Variants in LMO1 observed in about 807,000 individuals in gnomAD.
LMO1 encodes rhombotin-1.
In LMO1, 10 loss-of-function variants were observed where a neutral mutation model predicts 18.0. That is an observed-to-expected ratio of 0.55 (90% CI 0.34 to 0.94). The LOEUF (loss-of-function observed/expected upper bound fraction) is 0.94. LMO1 is among the 40% of genes least tolerant of loss of function. The pLI, the probability that LMO1 is intolerant of heterozygous loss-of-function variation, is 0.02. For synonymous variants in LMO1, 77 were observed against 77.9 expected (o/e 0.99, Z 0.06); for missense variants, 183 against 205.7 (o/e 0.89, Z 0.68).
chr11:8,232,795 A>G (rs369700571), intron 1 of LMO1, among the ~76,000 whole-genome samples: 105 of 152,252 alleles, frequency 6.9e-4, no homozygotes, highest in African/African-American at 2.5e-3. Context: ...AGCCCACTAA[A>G]TTATAGCCCA....
intron 1 of LMO1, among the ~76,000 whole-genome samples, chr11:8,237,727 T>G (rs950963780): frequency 6.6e-6 from 1 of 152,254 alleles, no homozygotes; most frequent in Non-Finnish European, 1.5e-5. Flanking sequence ...GCTCCGCCCA[T>G]GGGGTGGCAG....
chr11:8,243,913 C>T (rs1846842026), intron 1 of LMO1, among the ~76,000 whole-genome samples: 1 of 152,248 alleles, frequency 6.6e-6, no homozygotes, highest in Non-Finnish European at 1.5e-5. Context: ...CTATCATCAG[C>T]TCACAGTGCA....
At chr11:8,229,175 AC>A (rs1378194321) in intron 2 of LMO1, among the ~76,000 whole-genome samples, 4 of 152,072 alleles carry the variant, frequency 2.6e-5, no homozygotes, top group African/African-American at 4.8e-5. Context: ...GGCATAAGCC[AC>A]CGCGCCTAGC....
At chr11:8,231,987 A>G (rs1001591402) in intron 1 of LMO1, among the ~76,000 whole-genome samples, 13 of 152,140 alleles carry the variant, frequency 8.5e-5, no homozygotes, top group African/African-American at 3.1e-4. Context: ...AGATGGGGAA[A>G]TTGAGGCTCA....
chr11:8,264,643 C>CT (rs1847242945), upstream of LMO1, among the ~76,000 whole-genome samples: 1 of 151,560 alleles, frequency 6.6e-6, no homozygotes, highest in African/African-American at 2.4e-5. Context: ...TCTGTTTTTT[C>CT]TTTTTTAAGA....
In LMO1 at chr11:8,263,520, A is replaced by C; in HGVS notation, c.-158T>G. On this transcript the variant is annotated 5_prime_UTR_variant, in exon 1 of 4. It removes an upstream start codon present in the reference 5' UTR. Transcript: ENST00000335790. ...CTAGATTGCACTCAGCTAGAATTAC[A>C]TTCAGGAGTGAAGCACTTCGCAGAT... 7.1e-7 allele frequency: 1 copy of C among 1,400,548 alleles called. No homozygotes were observed. The highest frequency in any genetic ancestry group is 1.6e-5 in the South Asian group (1 of 63,290). 86.8% of individuals were successfully genotyped at this position (1,400,548 alleles called of 1,614,324 possible).
At chr11:8,251,172 G>A (rs1023916105) in intron 1 of LMO1, among the ~76,000 whole-genome samples, 1 of 152,184 alleles carries the variant, frequency 6.6e-6, no homozygotes, top group African/African-American at 2.4e-5. Flanking sequence ...GCACCACAAG[G>A]TATGAAGCCA....
At chr11:8,227,649 C>T (rs1303549102) in intron 2 of LMO1, among the ~76,000 whole-genome samples, 1 of 152,230 alleles carries the variant, frequency 6.6e-6, no homozygotes, top group Non-Finnish European at 1.5e-5. Context: ...AAGAGCTTTA[C>T]AAAGATAAAC....
chr11:8,226,716 T>A (rs928630277), intron 3 of LMO1: 1 of 511,268 alleles, frequency 2.0e-6, no homozygotes, highest in Non-Finnish European at 3.3e-6. Flanking sequence ...AGTAAACTCA[T>A]GCACGCCTTC....
chr11:8,264,526 C>T (rs1847241578), upstream of LMO1, among the ~76,000 whole-genome samples: 1 of 152,226 alleles, frequency 6.6e-6, no homozygotes, highest in South Asian at 2.1e-4. Context: ...ATCTCTTCTC[C>T]TGGACCCTGC....
At chr11:8,264,228 C>A (rs1054086665), upstream of LMO1, among the ~76,000 whole-genome samples, 1 of 3,208 alleles carries the variant, frequency 3.1e-4, no homozygotes, top group Non-Finnish European at 3.8e-3. Flanking sequence ...AGGGCACAAA[C>A]GATCCTACCG....
chr11:8,245,038 G>A (rs898198992), intron 1 of LMO1, among the ~76,000 whole-genome samples: 7 of 152,162 alleles, frequency 4.6e-5, no homozygotes, highest in African/African-American at 1.2e-4. Context: ...TATCATGCCC[G>A]GCACTTCATG....
At chr11:8,249,126 A>C (rs946230726) in intron 1 of LMO1, among the ~76,000 whole-genome samples, 3 of 152,188 alleles carry the variant, frequency 2.0e-5, no homozygotes, top group African/African-American at 4.8e-5. Flanking sequence ...GACCACCAGT[A>C]GACCTCAGAT....
chr11:8,233,100 C>T (rs1952699049), intron 1 of LMO1, among the ~76,000 whole-genome samples: 1 of 152,230 alleles, frequency 6.6e-6, no homozygotes, highest in African/African-American at 2.4e-5. Context: ...ACCTTAAGAC[C>T]TGGACACCCC....
intron 1 of LMO1, among the ~76,000 whole-genome samples, chr11:8,260,380 A>G (rs573185389): frequency 6.6e-6 from 1 of 152,322 alleles, no homozygotes; most frequent in South Asian, 2.1e-4. Flanking sequence ...CAGACCCAGC[A>G]GCATGTAGAA....
chr11:8,231,169 G>A (rs1952650686), intron 1 of LMO1, among the ~76,000 whole-genome samples: 1 of 152,294 alleles, frequency 6.6e-6, no homozygotes, highest in South Asian at 2.1e-4. Flanking sequence ...GCCCTGGCCT[G>A]GGGGAGGGCA....
intron 1 of LMO1, among the ~76,000 whole-genome samples, chr11:8,234,660 G>A (rs1952729792): frequency 6.6e-6 from 1 of 152,094 alleles, no homozygotes; most frequent in Non-Finnish European, 1.5e-5. Flanking sequence ...GGAAGCCACT[G>A]TGGCCACCTC....
At chr11:8,260,774 G>A (rs1188970764) in intron 1 of LMO1, among the ~76,000 whole-genome samples, 1 of 152,124 alleles carries the variant, frequency 6.6e-6, no homozygotes, top group Non-Finnish European at 1.5e-5. Context: ...CTCCAGACAA[G>A]ATGCTGTCAG....
intron 1 of LMO1, among the ~76,000 whole-genome samples, chr11:8,251,986 G>A (rs1254922813): frequency 1.6e-5 from 2 of 121,952 alleles, no homozygotes; most frequent in East Asian, 5.2e-4. Context: ...GCGTGTGTGG[G>A]GGTGTGCGTG....
Sources: allele counts gnomAD v4.1 joint callset (sites outside exome capture counted in the v4.1 genomes callset), GRCh38; gene constraint gnomAD v4.1.1; transcripts MANE v1.5; gene names NCBI Gene and HGNC (gene_info 2026-07-23, HGNC 2026-07-21).